The following LPIN1 variants were observed in gnomAD, a reference collection of about 807,000 sequenced individuals.
LPIN1 encodes lipin 1.
A neutral mutation model predicts 107.5 loss-of-function variants in LPIN1; 71 were observed. The observed-to-expected ratio is 0.66, with a 90% CI of 0.55 to 0.80. The LOEUF (loss-of-function observed/expected upper bound fraction) is 0.80, where lower values mean the gene tolerates loss of function less well. Ranked by LOEUF, LPIN1 falls within the 30% of genes least tolerant of loss-of-function variation. LPIN1 has a pLI of 0.00. For synonymous variants in LPIN1, 445 were observed against 452.6 expected (o/e 0.98, Z 0.21); for missense variants, 1,043 against 1,160.6 (o/e 0.90, Z 1.47).
At chr2:11,741,208 A>C in intron 1 of LPIN1, 1 of 581,262 alleles carries the variant, frequency 1.7e-6, no homozygotes. Flanking sequence ...ACTGACCAGG[A>C]GCCCGGGAGT....
At chr2:11,809,452 T>C (rs1040071620) in intron 17 of LPIN1, among the ~76,000 whole-genome samples, 1 of 152,208 alleles carries the variant, frequency 6.6e-6, no homozygotes, top group African/African-American at 2.4e-5. Context: ...GTTTTGCTCT[T>C]GTTGTCCAGG....
chr2:11,701,890 G>C (rs887816315), intron 1 of LPIN1, among the ~76,000 whole-genome samples: 1 of 152,158 alleles, frequency 6.6e-6, no homozygotes, highest in African/African-American at 2.4e-5. Context: ...GGTTTGGTCC[G>C]TGCTTGTGCT....
At chr2:11,820,045 T>C (rs1019795746) in intron 19 of LPIN1, among the ~76,000 whole-genome samples, 67 of 152,232 alleles carry the variant, frequency 4.4e-4, no homozygotes, top group African/African-American at 1.5e-3. Flanking sequence ...GAAAGCTAAG[T>C]ATTCTAGAGA....
intron 1 of LPIN1, among the ~76,000 whole-genome samples, chr2:11,699,445 G>A (rs1199935310): frequency 6.6e-6 from 1 of 152,094 alleles, no homozygotes; most frequent in Admixed American, 6.6e-5. Flanking sequence ...CCCTGGGGGG[G>A]GCGTGCGGAA....
At chr2:11,694,130 G>A (rs1357106152) in intron 1 of LPIN1, among the ~76,000 whole-genome samples, 2 of 151,438 alleles carry the variant, frequency 1.3e-5, no homozygotes, top group Non-Finnish European at 2.9e-5. Flanking sequence ...CACCATGCCC[G>A]ACCAAGAGCC....
In LPIN1 at chr2:11,749,159, A is replaced by G. The variant is rs376703001; in HGVS notation, c.-10+2488A>G. 7.2e-5 allele frequency among the ~76,000 whole-genome samples: 11 copies of G among 152,308 alleles called. No individual in the cohort carries two copies. The East Asian group carries it at 2.1e-3, about 29-fold the overall frequency. On this transcript the variant is annotated intron_variant, in intron 1 of 20. Transcript: ENST00000674199. ...GGAAAAAAGAGTTGGGACAAAACCCAAGCAAAGCCGTTCAGTGACGTCACA... is the reference window on the plus strand; with the variant it reads ...GGAAAAAAGAGTTGGGACAAAACCCGAGCAAAGCCGTTCAGTGACGTCACA...
intron 1 of LPIN1, among the ~76,000 whole-genome samples, chr2:11,726,869 C>T (rs917691787): frequency 2.6e-5 from 4 of 152,144 alleles, no homozygotes; most frequent in Admixed American, 6.5e-5. Context: ...ACTTTTGAAG[C>T]GTGCTTGTCA....
chr2:11,722,155 AG>A (rs1174507933), upstream of LPIN1: 4 of 152,214 alleles, frequency 2.6e-5, no homozygotes, highest in Non-Finnish European at 5.9e-5. Context: ...TTTCCAATTG[AG>A]GGTGCAGCTG....
Position 11,785,168 on chromosome 2 carries a change from C to G in LPIN1, c.1549+92C>G, listed in dbSNP as rs936581244. The G allele has an allele frequency of 6.1e-6, 6 of 991,580 alleles. No homozygotes were observed. In the African/African-American group the frequency reaches 9.8e-5, roughly 16 times the overall value. 61.4% of individuals were successfully genotyped at this position (991,580 alleles called of 1,614,324 possible). On this transcript the variant is annotated intron_variant, in intron 10 of 20. Coordinates refer to ENST00000674199, the MANE Select transcript of LPIN1 (RefSeq NM_001349206.2). ...CTCCAAGGAGTGCGTGTCAAGGCAG[C>G]TTTTCCCTTGGTTGCGGTTAATGAT...
chr2:11,810,396 C>T (rs1679447618), intron 17 of LPIN1, among the ~76,000 whole-genome samples: 1 of 152,038 alleles, frequency 6.6e-6, no homozygotes, highest in South Asian at 2.1e-4. Flanking sequence ...AGAGGGGAGG[C>T]TGGGAGACGA....
chr2:11,701,409 C>A (rs921204623), intron 1 of LPIN1, among the ~76,000 whole-genome samples: 3 of 152,180 alleles, frequency 2.0e-5, no homozygotes, highest in Non-Finnish European at 4.4e-5. Flanking sequence ...GAATGTGTGA[C>A]TGGACTTGCC....
At chr2:11,740,632 CA>C (rs1166881447) in intron 1 of LPIN1, among the ~76,000 whole-genome samples, 1 of 136,282 alleles carries the variant, frequency 7.3e-6, no homozygotes, top group Non-Finnish European at 1.5e-5. Flanking sequence ...TGCAGTGAGC[CA>C]AGATCACCCC....
intron 1 of LPIN1, among the ~76,000 whole-genome samples, chr2:11,680,189 A>G (rs1572286721): frequency 6.6e-6 from 1 of 152,202 alleles, no homozygotes; most frequent in Admixed American, 6.5e-5. Context: ...AAGCCCAGGC[A>G]GGGCTGGCTG....
rs980001955 is a variant in LPIN1 at position 11,765,440 on chromosome 2, C to A, written c.-9-93C>A. On this transcript the variant is annotated intron_variant, in intron 1 of 20. Transcript: ENST00000674199. The surrounding 1 kb of genome is among the most constrained non-coding windows in gnomAD (Gnocchi z 4.4). ...AGGAGCTGAAAGTTGAGTGTGTAAT[C>A]CACGTTTTTGAAATGGTGAGGAGTT... The A allele has an allele frequency of 2.5e-5, 30 of 1,192,900 alleles. No homozygotes were observed. Among genetic ancestry groups the A allele is most frequent in the Non-Finnish European group, 3.1e-5 (26 of 827,608 alleles). The allele number at this position is 1,192,900 out of a possible 1,614,324, so 73.9% of individuals were successfully genotyped here.
chr2:11,738,303 G>A (rs1272072109), intron 1 of LPIN1, among the ~76,000 whole-genome samples: 1 of 151,730 alleles, frequency 6.6e-6, no homozygotes, highest in South Asian at 2.1e-4. Context: ...GTTGATGGGT[G>A]CAGCAAATCA....
rs766575992 is a variant in LPIN1 at position 11,677,628 on chromosome 2, A to G, written c.-20A>G. 3.9e-6 allele frequency: 6 copies of G among 1,522,168 alleles called. No homozygotes were observed. In the African/African-American group the frequency reaches 4.1e-5, roughly 10 times the overall value. 94.3% of individuals were successfully genotyped at this position (1,522,168 alleles called of 1,614,324 possible). ...CCTGATGCTGGGTGAGGAGGCAGAC[A>G]GCACCATACAGGGCGGGCCATGGGG... is the stretch of plus-strand genomic sequence containing the variant. On this transcript the variant is annotated 5_prime_UTR_variant, in exon 1 of 22. Coordinates refer to the LPIN1 transcript ENST00000449576.
In LPIN1 at chr2:11,819,504, C is replaced by G. The variant is rs774681933; in HGVS notation, c.2423C>G (p.Pro808Arg). Residue 808 changes from proline (P) to arginine (R), a missense_variant, in exon 19 of 21, where the codon CCA (proline) becomes CGA (arginine). Physicochemically the swap from Pro to Arg is moderately radical, Grantham distance 103 (BLOSUM62 -2). Transcript: ENST00000674199. The part of the protein sequence containing the change: ...ALHREVIEKK[P>R]EKFKVQCLTD... ...AACAGAGAAGTGATTGAAAAGAAGC[C>G]AGAAAAGTTTAAAGTCCAGTGTTTG... 29 of 1,611,974 alleles carry G rather than the reference C, an allele frequency of 1.8e-5. No homozygotes were observed. The highest frequency in any genetic ancestry group is 2.3e-5 in the Non-Finnish European group (27 of 1,178,150).
intron 1 of LPIN1, among the ~76,000 whole-genome samples, chr2:11,700,492 T>C (rs974905831): frequency 6.6e-6 from 1 of 152,078 alleles, no homozygotes; most frequent in Non-Finnish European, 1.5e-5. Context: ...TCTCTCGCTC[T>C]CATTCTCTCT....
chr2:11,717,285 T>C (rs1294713082), intron 2 of LPIN1, among the ~76,000 whole-genome samples: 1 of 152,220 alleles, frequency 6.6e-6, no homozygotes, highest in Non-Finnish European at 1.5e-5. Context: ...TGGCTGATTC[T>C]ACAGAGCATC....
Sources: allele counts gnomAD v4.1 joint callset (sites outside exome capture counted in the v4.1 genomes callset), GRCh38; gene constraint gnomAD v4.1.1; non-coding constraint Gnocchi (gnomAD v3.1); transcripts MANE v1.5; gene names NCBI Gene and HGNC (gene_info 2026-07-23, HGNC 2026-07-21).